UBR4: variants seen among roughly 807,000 people sequenced by gnomAD.
UBR4 encodes E3 ubiquitin-protein ligase UBR4.
UBR4 carries 124 observed loss-of-function variants against 575.6 expected under a neutral mutation model. The ratio of observed to expected loss-of-function variants is 0.22; its 90% confidence interval spans 0.19 to 0.25. The LOEUF (loss-of-function observed/expected upper bound fraction) is 0.25. Ranked by LOEUF, UBR4 falls within the 10% of genes least tolerant of loss-of-function variation. The probability of loss-of-function intolerance (pLI) is 1.00; values close to 1 mark genes in which losing one functional copy is unlikely to be tolerated. For synonymous variants in UBR4, 2,455 were observed against 2,473.7 expected, an observed-to-expected ratio of 0.99 and a Z score of 0.22; for missense variants, 4,818 against 6,478.8, an observed-to-expected ratio of 0.74 and a Z score of 8.80.
intron 87 of UBR4, among the ~76,000 whole-genome samples, chr1:19,101,900 C>G (rs1187722419): frequency 6.6e-6 from 1 of 152,228 alleles, no homozygotes; most frequent in Non-Finnish European, 1.5e-5. Flanking sequence ...CTTGCTCTCT[C>G]TCAGGATATA....
At chr1:19,134,071 G>A (rs1483840201) in intron 60 of UBR4, among the ~76,000 whole-genome samples, 1 of 126,190 alleles carries the variant, frequency 7.9e-6, no homozygotes, top group Non-Finnish European at 1.6e-5. Context: ...GGGCAAGAGA[G>A]TGAGACTCTG....
rs1485916164 is a variant in UBR4, at chr1:19,110,719, C to T, written c.11892+23G>A. 1.2e-6 allele frequency: 2 copies of T among 1,612,366 alleles called. No individual in the cohort carries two copies. Among genetic ancestry groups the T allele is most frequent in the African/African-American group, 1.3e-5 (1 of 74,894 alleles). ...TGTGAGGGGAAGTCAGAGAGGACAG[C>T]TGGGCCTGCTAGGCCGGCTCACCAG... On this transcript the variant is annotated intron_variant, in intron 79 of 105. Transcript: ENST00000375254. This position sits in a 1 kb window ranked among gnomAD's most constrained non-coding sequence, Gnocchi z 4.5.
At chr1:19,087,656 C>T (rs1222941468) in intron 99 of UBR4, among the ~76,000 whole-genome samples, 160 bp downstream of exon 99, 1 of 152,250 alleles carries the variant, frequency 6.6e-6, no homozygotes, top group Non-Finnish European at 1.5e-5. Flanking sequence ...GCTCGCCTTC[C>T]TGCCTCTAAA....
In UBR4 at chr1:19,161,710, A is replaced by T; in HGVS notation, c.5054T>A (p.Val1685Glu). 12 of 1,613,034 alleles carry T rather than the reference A, an allele frequency of 7.4e-6. No homozygotes were observed. Among genetic ancestry groups the T allele is most frequent in the Non-Finnish European group, 9.3e-6 (11 of 1,179,260 alleles). ...CACTGTGCAGACACCCACGCCATCC[A>T]CCATTTTACAGGTGTGACAGTGGTA... ...HWYHCHTCKM[V>E]DGVGVCTVCA... Residue 1685 changes from valine (V) to glutamate (E), a missense_variant, in exon 37 of 106, where the codon GTG (valine) becomes GAG (glutamate). Physicochemically the swap from Val to Glu is moderately radical, Grantham distance 121. Coordinates refer to ENST00000375254, the MANE Select transcript of UBR4 (RefSeq NM_020765.3).
intron 90 of UBR4, among the ~76,000 whole-genome samples, chr1:19,097,643 T>G (rs2148983484): frequency 6.6e-6 from 1 of 152,362 alleles, no homozygotes; most frequent in Non-Finnish European, 1.5e-5. Context: ...TTACACAGCT[T>G]GTTCAAGGTT....
chr1:19,156,175 A>G, intron 42 of UBR4, 96 bp downstream of exon 42: 1 of 1,517,118 alleles, frequency 6.6e-7, no homozygotes, highest in Non-Finnish European at 8.9e-7. Context: ...CACCCAGCTG[A>G]TTTTTTTAAC....
At position 19,120,281 on chromosome 1, in the gene UBR4, G is replaced by C. The variant is rs555570179; in HGVS notation, c.10209C>G (p.Ala3403=). ...GGAACTGGATCAGGGTTTCCTTATC[G>C]GCAAATTTGTTCAGCTGGTTCACCA... ...TALVNQLNKF[A]DKETLIQFLR... is the part of the protein sequence containing the mutation. The change falls in exon 69 of 106, where the codon GCC becomes GCG. Residue 3403 remains alanine, a synonymous_variant. Transcript: ENST00000375254. 1.2e-6 allele frequency: 2 copies of C among 1,614,072 alleles called. No individual in the cohort carries two copies. Among genetic ancestry groups the C allele is most frequent in the Non-Finnish European group, 1.7e-6 (2 of 1,180,006 alleles).
chr1:19,123,822 C>T (rs1290885944), intron 65 of UBR4, among the ~76,000 whole-genome samples: 1 of 152,224 alleles, frequency 6.6e-6, no homozygotes, highest in East Asian at 1.9e-4. Flanking sequence ...CTCAGGGTTG[C>T]TGTCTGGTTA....
At chr1:19,162,891 T>C (rs1369901316) in intron 34 of UBR4, among the ~76,000 whole-genome samples, 1 of 152,128 alleles carries the variant, frequency 6.6e-6, no homozygotes, top group Non-Finnish European at 1.5e-5. Context: ...ATTAGAAGAA[T>C]AGAGTAAAAA....
chr1:19,101,227 T>C (rs1414852215), intron 88 of UBR4, among the ~76,000 whole-genome samples: 2 of 152,196 alleles, frequency 1.3e-5, no homozygotes, highest in African/African-American at 4.8e-5. Context: ...GTATGTTGGA[T>C]TGATATGCAA....
rs36041876 is a variant in UBR4 at position 19,096,992 on chromosome 1, CTT to C, written c.13390+199_13390+200del. 1.2e-3 allele frequency among the ~76,000 whole-genome samples: 167 copies of C among 144,376 alleles called. 1 individual carries two copies. The highest frequency in any genetic ancestry group is 3.6e-3 in the Middle Eastern group (1 of 280). 94.7% of individuals were successfully genotyped at this position (144,376 alleles called of 152,430 possible). A position where few individuals can be genotyped will look rare whatever the true frequency, so the allele number is the denominator to read the frequency against. On this transcript the variant is annotated intron_variant, in intron 91 of 105. Transcript: ENST00000375254. ...TTTCCTCTAAAAGTTTGCTGGTATT[CTT>C]TTTTTTTTTTTTGAACACTCAGTGG...
Position 19,165,770 on chromosome 1 carries a change from C to T in UBR4, c.4110-13G>A, listed in dbSNP as rs369031871. The T allele has an allele frequency of 1.8e-4, 285 of 1,605,106 alleles. No individual in the cohort carries two copies. The highest frequency in any genetic ancestry group is 2.3e-4 in the Non-Finnish European group (270 of 1,175,636). On this transcript the variant is annotated splice_polypyrimidine_tract_variant and intron_variant, in intron 29 of 105. Coordinates refer to ENST00000375254, the MANE Select transcript of UBR4 (RefSeq NM_020765.3). ...TTCATCCAGTCCACTGAGGATCAAACGGAAAACTTAACCACCAGTATTAAG... is the reference window on the plus strand; with the variant it reads ...TTCATCCAGTCCACTGAGGATCAAATGGAAAACTTAACCACCAGTATTAAG...
intron 30 of UBR4, 130 bp downstream of exon 30, chr1:19,165,525 TC>T (rs752237683): frequency 3.8e-5 from 42 of 1,094,234 alleles, no homozygotes; most frequent in Non-Finnish European, 5.2e-5. Flanking sequence ...AGCAATTAAC[TC>T]CCCAAAGTGC....
intron 22 of UBR4, among the ~76,000 whole-genome samples, chr1:19,174,078 G>A (rs983664812): frequency 6.7e-6 from 1 of 150,098 alleles, no homozygotes; most frequent in African/African-American, 2.5e-5. Context: ...TATAGCACTT[G>A]GGGGGGGACC....
In UBR4 at chr1:19,184,045, A is replaced by G; in HGVS notation, c.2069T>C (p.Ile690Thr). The G allele has an allele frequency of 6.2e-7, 1 of 1,614,162 alleles. No individual in the cohort carries two copies. Among genetic ancestry groups the G allele is most frequent in the African/African-American group, 1.3e-5 (1 of 75,048 alleles). The change falls in exon 16 of 106, where the codon ATC becomes ACC. Residue 690 changes from isoleucine (I) to threonine (T), a missense_variant. Coordinates refer to ENST00000375254, the MANE Select transcript of UBR4 (RefSeq NM_020765.3). The stretch of plus-strand genomic sequence containing the variant: ...GAGTCCATCTTTGTCCACCTCCTTG[A>G]TGATACTGGCTAGGGTGGCCATATG... ...EHHMATLASI[I>T]KEVDKDGLKG...
rs1298824713 is a variant in UBR4, at chr1:19,101,526, A to C, written c.13017T>G (p.Ile4339Met). 1.2e-6 allele frequency: 2 copies of C among 1,612,828 alleles called. No homozygotes were observed. The highest frequency in any genetic ancestry group is 1.7e-6 in the Non-Finnish European group (2 of 1,179,238). The change falls in exon 88 of 106, where the codon ATT (isoleucine) becomes ATG (methionine). Residue 4339 changes from isoleucine (I) to methionine (M), a missense_variant. Ile to Met is a conservative substitution (Grantham distance 10). Coordinates refer to ENST00000375254, the MANE Select transcript of UBR4 (RefSeq NM_020765.3). ...VFIFERLCSIIYPEENEVTEF... is the reference protein window; with the variant it reads ...VFIFERLCSIMYPEENEVTEF... The stretch of plus-strand genomic sequence containing the variant: ...GAAGCACCGCACTGCTTACAGGATA[A>C]ATGATGCTGCAGAGCCTCTCGAAGA...
Position 19,120,322 on chromosome 1 carries a change from G to A in UBR4, c.10168C>T (p.Gln3390Ter), listed in dbSNP as rs1177043937. The change falls in exon 69 of 106, where the codon CAG (glutamine) becomes TAG (stop). Residue 3390 changes from glutamine to a stop codon, truncating the protein, a stop_gained. Transcript: ENST00000375254. LOFTEE classifies it high-confidence loss of function. ...DGETSGSQED[Q>*]LCTALVNQLN... is the part of the protein sequence containing the mutation. ...TGGTTCACCAGAGCTGTGCACAGCTGGTCCTCCTGGCTGCCAGAGGTCTCA... is the reference window on the plus strand; with the variant it reads ...TGGTTCACCAGAGCTGTGCACAGCTAGTCCTCCTGGCTGCCAGAGGTCTCA... The A allele has an allele frequency of 6.2e-7, 1 of 1,614,110 alleles. No homozygotes were observed. Among genetic ancestry groups the A allele is most frequent in the Non-Finnish European group, 8.5e-7 (1 of 1,180,010 alleles).
intron 17 of UBR4, among the ~76,000 whole-genome samples, chr1:19,183,263 G>A (rs1036122094): frequency 2.0e-5 from 3 of 152,090 alleles, no homozygotes; most frequent in African/African-American, 7.2e-5. Flanking sequence ...AGGAGTTTCT[G>A]TTTGTTTTTG....
At position 19,086,402 on chromosome 1, in the gene UBR4, CT is replaced by C. The variant is rs1245959807; in HGVS notation, c.14688-133del. The C allele has an allele frequency of 2.3e-6, 3 of 1,295,842 alleles. No individual in the cohort carries two copies. In the African/African-American group the frequency reaches 4.5e-5, roughly 19 times the overall value. The allele number at this position is 1,295,842 out of a possible 1,614,324, so 80.3% of individuals were successfully genotyped here. A position where few individuals can be genotyped will look rare whatever the true frequency, so the allele number is the denominator to read the frequency against. Reference sequence around the variant, plus strand: ...AGTCAGTCGGCCCAGGCTCCTGACCCTGCGAAGAGAATTTGCTATTTGTAGC... The same window carrying C: ...AGTCAGTCGGCCCAGGCTCCTGACCCGCGAAGAGAATTTGCTATTTGTAGC... On this transcript the variant is annotated intron_variant, in intron 100 of 105. Coordinates refer to ENST00000375254, the MANE Select transcript of UBR4 (RefSeq NM_020765.3).
Sources: allele counts gnomAD v4.1 joint callset (sites outside exome capture counted in the v4.1 genomes callset), GRCh38; gene constraint gnomAD v4.1.1; non-coding constraint Gnocchi (gnomAD v3.1); transcripts MANE v1.5; gene names NCBI Gene and HGNC (gene_info 2026-07-23, HGNC 2026-07-21).